The following MAP3K14 variants were observed in gnomAD, a reference collection of about 807,000 sequenced individuals.
The protein encoded by MAP3K14 is mitogen-activated protein kinase kinase kinase 14.
Under a neutral mutation model 99.2 loss-of-function variants are expected in MAP3K14, and 16 were observed. The observed-to-expected ratio is 0.16, with a 90% CI of 0.11 to 0.24. The LOEUF (loss-of-function observed/expected upper bound fraction) is 0.24, where lower values mean the gene tolerates loss of function less well. Among genes scored for constraint, MAP3K14 ranks in the 10% least tolerant of loss-of-function variants. The pLI is 1.00. For synonymous variants in MAP3K14, 462 were observed against 492.4 expected (o/e 0.94, Z 0.82); for missense variants, 784 against 1,208.7 (o/e 0.65, Z 5.21).
chr17:45,291,142 G>T (rs759135165), intron 1 of MAP3K14, among the ~76,000 whole-genome samples: 1 of 152,122 alleles, frequency 6.6e-6, no homozygotes, highest in Non-Finnish European at 1.5e-5. Flanking sequence ...GTTTCCCCAG[G>T]ACAGGGTGGT....
intron 1 of MAP3K14, among the ~76,000 whole-genome samples, chr17:45,306,505 T>G (rs1336777047): frequency 6.6e-6 from 1 of 152,178 alleles, no homozygotes; most frequent in Non-Finnish European, 1.5e-5. Flanking sequence ...AAGCTGGACT[T>G]GTGGTGGGCC....
chr17:45,270,572 C>G lies in MAP3K14; in HGVS notation c.1822-9G>C. On this transcript the variant is annotated splice_polypyrimidine_tract_variant and intron_variant, in intron 10 of 15. Transcript: ENST00000344686. ...GGAGGCTCGCTGGCAATCTGGGGGG[C>G]AAAAGACAACAGGTGAGGCCTGCCT... The G allele has an allele frequency of 1.3e-6, 2 of 1,541,492 alleles. No homozygotes were observed. Among genetic ancestry groups the G allele is most frequent in the Non-Finnish European group, 1.7e-6 (2 of 1,146,258 alleles).
At chr17:45,302,997 C>T (rs772938471) in intron 1 of MAP3K14, among the ~76,000 whole-genome samples, 4 of 152,242 alleles carry the variant, frequency 2.6e-5, no homozygotes, top group African/African-American at 4.8e-5. Flanking sequence ...CGGACTGTTT[C>T]CTGCTTTGAT....
intron 6 of MAP3K14, among the ~76,000 whole-genome samples, chr17:45,283,390 A>C (rs1401389874): frequency 1.3e-5 from 2 of 152,226 alleles, no homozygotes; most frequent in Non-Finnish European, 2.9e-5. Context: ...ACGTGTTGCC[A>C]GTCAGGGGTG....
intron 1 of MAP3K14, among the ~76,000 whole-genome samples, chr17:45,302,966 T>C (rs889888382): frequency 2.6e-4 from 39 of 152,192 alleles, no homozygotes; most frequent in African/African-American, 9.4e-4. Flanking sequence ...ACTCAAGAAA[T>C]AGGAAGGTGC....
At chr17:45,304,010 CTTTTTT>C (rs1026894731) in intron 1 of MAP3K14, among the ~76,000 whole-genome samples, 1 of 127,728 alleles carries the variant, frequency 7.8e-6, no homozygotes, top group East Asian at 2.3e-4. Context: ...CTTTTCTTTT[CTTTTTT>C]TTTTTTTTTT....
intron 1 of MAP3K14, among the ~76,000 whole-genome samples, chr17:45,298,985 G>A (rs1296678910): frequency 6.6e-6 from 1 of 152,204 alleles, no homozygotes; most frequent in Non-Finnish European, 1.5e-5. Context: ...AGGAGAGGGT[G>A]TTCTGGGTAG....
At chr17:45,302,749 C>T (rs75911690) in intron 1 of MAP3K14, among the ~76,000 whole-genome samples, 14,920 of 152,272 alleles carry the variant, frequency 0.098, 897 homozygotes, top group Admixed American at 0.15. Flanking sequence ...TGTGCGCGCA[C>T]ATGCACACAC....
intron 6 of MAP3K14, among the ~76,000 whole-genome samples, chr17:45,277,958 T>A (rs932425914): frequency 2.6e-5 from 4 of 152,210 alleles, no homozygotes; most frequent in Admixed American, 1.3e-4. Flanking sequence ...CCGTTAATAA[T>A]CTGGCGGTTT....
In MAP3K14 at chr17:45,270,462, G is replaced by C. The variant is rs753251206; in HGVS notation, c.1923C>G (p.Arg641=). 6.2e-7 allele frequency: 1 copy of C among 1,612,144 alleles called. No individual in the cohort carries two copies. The highest frequency in any genetic ancestry group is 8.5e-7 in the Non-Finnish European group (1 of 1,179,460). ...QEGLRKEPIH[R]VSAAELGGKV... ...TCCCTCCCAGCTCCGCTGCAGACACGCGGTGGATGGGCTCTTTCCTCAGCC... is the reference window on the plus strand; with the variant it reads ...TCCCTCCCAGCTCCGCTGCAGACACCCGGTGGATGGGCTCTTTCCTCAGCC... Residue 641 remains arginine, a synonymous_variant, in exon 11 of 16, where the codon CGC becomes CGG. Transcript: ENST00000344686.
In MAP3K14 at chr17:45,265,216, G is replaced by C. The variant is rs2044067059; in HGVS notation, c.2626C>G (p.Arg876Gly). The C allele has an allele frequency of 1.2e-6, 2 of 1,613,888 alleles. No individual in the cohort carries two copies. Among genetic ancestry groups the C allele is most frequent in the Non-Finnish European group, 1.7e-6 (2 of 1,179,878 alleles). Reference sequence around the variant, plus strand: ...CCCACTTTGACCCGGTGGAACTCCCGGATGTGCAGGTGTTCACCATTAAGA... The same window carrying C: ...CCCACTTTGACCCGGTGGAACTCCCCGATGTGCAGGTGTTCACCATTAAGA... ...QSLNGEHLHI[R>G]EFHRVKVGDI... The change falls in exon 15 of 16, where the codon CGG becomes GGG. Residue 876 changes from arginine (R) to glycine (G), a missense_variant. Transcript: ENST00000344686.
chr17:45,269,270 C>T (rs2044123813), intron 11 of MAP3K14, among the ~76,000 whole-genome samples: 1 of 152,200 alleles, frequency 6.6e-6, no homozygotes, highest in South Asian at 2.1e-4. Flanking sequence ...CCCCAGCCTC[C>T]CAAAGTGCTG....
rs201948973 is a variant in MAP3K14 at position 45,274,186 on chromosome 17, C to T, written c.1489G>A (p.Gly497Ser). The T allele has an allele frequency of 4.4e-5, 70 of 1,601,700 alleles. 1 individual carries two copies. The African/African-American group carries it at 8.8e-4, about 20-fold the overall frequency. ...LPEDRALYYL[G>S]QALEGLEYLH... ...TATTCCAGACCCTCCAGGGCCTGGCCCAGGTAGTACAGGGCCCGGTCCTCT... is the reference window on the plus strand; with the variant it reads ...TATTCCAGACCCTCCAGGGCCTGGCTCAGGTAGTACAGGGCCCGGTCCTCT... The change falls in exon 8 of 16, where the codon GGC becomes AGC. Residue 497 changes from glycine to serine, a missense_variant. Gly to Ser is a moderately conservative substitution (Grantham distance 56). Transcript: ENST00000344686.
At chr17:45,284,162 A>T (rs563460811) in intron 6 of MAP3K14, among the ~76,000 whole-genome samples, 1 of 152,208 alleles carries the variant, frequency 6.6e-6, no homozygotes. Context: ...AAACTCTAGG[A>T]CAAGAAGTCT....
intron 1 of MAP3K14, among the ~76,000 whole-genome samples, chr17:45,303,828 C>T (rs540722756): frequency 1.1e-4 from 16 of 151,308 alleles, no homozygotes; most frequent in African/African-American, 3.2e-4. Flanking sequence ...GTGATCCAGC[C>T]GCCTCGGCCT....
intron 1 of MAP3K14, among the ~76,000 whole-genome samples, chr17:45,296,267 G>C (rs988997533): frequency 2.0e-5 from 3 of 152,170 alleles, no homozygotes; most frequent in African/African-American, 7.2e-5. Flanking sequence ...GCTCACGCCT[G>C]TAATCTCAGC....
intron 1 of MAP3K14, among the ~76,000 whole-genome samples, chr17:45,301,588 CA>C (rs1250512815): frequency 2.0e-5 from 3 of 151,928 alleles, no homozygotes; most frequent in African/African-American, 7.3e-5. Flanking sequence ...GTTTATAAAT[CA>C]TTTTAACAAT....
intron 1 of MAP3K14, among the ~76,000 whole-genome samples, chr17:45,302,394 G>A (rs376392659): frequency 6.6e-6 from 1 of 151,984 alleles, no homozygotes; most frequent in Non-Finnish European, 1.5e-5. Context: ...TGCAACTTCC[G>A]CCTCTTGGGT....
At position 45,287,052 on chromosome 17, in the gene MAP3K14, G is replaced by T. The variant is rs752362061; in HGVS notation, c.538-7C>A. On this transcript the variant is annotated splice_polypyrimidine_tract_variant and splice_region_variant and intron_variant, in intron 4 of 15. Transcript: ENST00000344686. ...CGAGTGGAGACTCATCCTCCTGCGG[G>T]GGGAAACACAGCTATCAGCACAGAG... 1 of 1,609,500 alleles carries T rather than the reference G, an allele frequency of 6.2e-7. No homozygotes were observed. Among genetic ancestry groups the T allele is most frequent in the Non-Finnish European group, 8.5e-7 (1 of 1,176,556 alleles).
Sources: gnomAD v4.1 joint callset for allele counts (sites outside exome capture counted in the v4.1 genomes callset) on GRCh38, gnomAD v4.1.1 for gene constraint, MANE v1.5 for transcripts, NCBI Gene and HGNC (gene_info 2026-07-23, HGNC 2026-07-21) for gene names.